SPRTN: variants seen among roughly 807,000 people sequenced by gnomAD.
SPRTN encodes DNA-dependent metalloprotease SPRTN.
Under a neutral mutation model 31.9 loss-of-function variants are expected in SPRTN, and 11 were observed. The observed-to-expected ratio is 0.34, with a 90% CI of 0.22 to 0.57. The LOEUF (loss-of-function observed/expected upper bound fraction) is 0.57. Among genes scored for constraint, SPRTN ranks in the 20% least tolerant of loss-of-function variants. The pLI is 0.86. For missense variants in SPRTN, 482 were observed against 590.1 expected (o/e 0.82, Z 1.90); for synonymous variants, 185 against 212.1 (o/e 0.87, Z 1.11).
chr1:231,347,821 G>A lies in SPRTN; in HGVS notation c.346G>A (p.Ala116Thr). 1 of 1,613,254 alleles carries A rather than the reference G, an allele frequency of 6.2e-7. No homozygotes were observed. Residue 116 changes from alanine to threonine, a missense_variant, in exon 3 of 5, where the codon GCC becomes ACC. Ala to Thr is a moderately conservative substitution (Grantham distance 58). Around this residue, in one of 2 missense-constraint regions of SPRTN, gnomAD observed 157 missense variants for 239.9 expected, o/e 0.65. Coordinates refer to ENST00000295050, the MANE Select transcript of SPRTN (RefSeq NM_032018.7). ...VETLLHEMIH[A>T]YLFVTNNDKD... ...GACCCTCCTGCATGAAATGATACAT[G>A]CCTATTTATTTGTCACTAATAACGA...
chr1:231,346,535 G>A (rs1188074044), intron 2 of SPRTN, among the ~76,000 whole-genome samples: 1 of 151,980 alleles, frequency 6.6e-6, no homozygotes, highest in Non-Finnish European at 1.5e-5. Flanking sequence ...AAATTGGGTT[G>A]TCATTCCCTG....
chr1:231,353,901 C>A lies in SPRTN; in HGVS notation c.*540C>A, dbSNP rs1454380940. On this transcript the variant is annotated 3_prime_UTR_variant, in exon 5 of 5. Coordinates refer to ENST00000295050, the MANE Select transcript of SPRTN (RefSeq NM_032018.7). ...AAAATCTTAACAGGAACTGTATTTT[C>A]TATATTTTAAAGAATTTTATTTGTC... 1 of 946,164 alleles carries A rather than the reference C, an allele frequency of 1.1e-6. No homozygotes were observed. Among genetic ancestry groups the A allele is most frequent in the African/African-American group, 1.8e-5 (1 of 56,346 alleles). The allele number at this position is 946,164 out of a possible 1,614,324, so 58.6% of individuals were successfully genotyped here.
rs573192715 is a variant in SPRTN at position 231,350,695 on chromosome 1, A to G, written c.451-609A>G. Reference sequence around the variant, plus strand: ...TCCTGGAGAACTTTTCAGTCTGGTAATAGAAATATTTATAAACAGATAAAA... The same window carrying G: ...TCCTGGAGAACTTTTCAGTCTGGTAGTAGAAATATTTATAAACAGATAAAA... On this transcript the variant is annotated intron_variant, in intron 3 of 4. Transcript: ENST00000295050. Among the ~76,000 whole-genome samples, 6 of 152,282 alleles carry G rather than the reference A, an allele frequency of 3.9e-5. No homozygotes were observed. In the East Asian group the frequency reaches 1.2e-3, roughly 29 times the overall value.
Position 231,353,452 on chromosome 1 carries a change from G to A in SPRTN, c.*91G>A, listed in dbSNP as rs746084136. Reference sequence around the variant, plus strand: ...GAAGTTCTGGTTAATACTAAGATTTGTAGGTTATAATCTAGTTCACATAAC... The same window carrying A: ...GAAGTTCTGGTTAATACTAAGATTTATAGGTTATAATCTAGTTCACATAAC... On this transcript the variant is annotated 3_prime_UTR_variant, in exon 5 of 5. Coordinates refer to ENST00000295050, the MANE Select transcript of SPRTN (RefSeq NM_032018.7). The A allele has an allele frequency of 2.5e-5, 37 of 1,472,170 alleles. No individual in the cohort carries two copies. Among genetic ancestry groups the A allele is most frequent in the Non-Finnish European group, 3.2e-5 (36 of 1,120,172 alleles). 91.2% of individuals were successfully genotyped at this position (1,472,170 alleles called of 1,614,324 possible). A position where few individuals can be genotyped will look rare whatever the true frequency, so the allele number is the denominator to read the frequency against.
intron 2 of SPRTN, among the ~76,000 whole-genome samples, chr1:231,341,885 C>T (rs1686905413): frequency 1.3e-5 from 2 of 152,132 alleles, no homozygotes; most frequent in African/African-American, 4.8e-5. Context: ...ACTCAGGAGG[C>T]TGACGCACAA....
chr1:231,352,528 CTG>C (rs1687269065), intron 4 of SPRTN, 80 bp from the exon 5 acceptor site: 3 of 1,501,734 alleles, frequency 2.0e-6, no homozygotes, highest in Non-Finnish European at 2.7e-6. Context: ...TTTGAGAAAA[CTG>C]TACATTAGTT....
chr1:231,350,901 A>G (rs2250704), intron 3 of SPRTN, among the ~76,000 whole-genome samples: 87,312 of 151,936 alleles, frequency 0.57, 25,898 homozygotes, highest in Non-Finnish European at 0.65. Flanking sequence ...GAAAACTTCA[A>G]TTTAGCAGTG....
Position 231,352,963 on chromosome 1 carries a change from A to G in SPRTN, c.1072A>G (p.Asn358Asp). The change falls in exon 5 of 5, where the codon AAC (asparagine) becomes GAC (aspartate). Residue 358 changes from asparagine to aspartate, a missense_variant. Around this residue, in one of 2 missense-constraint regions of SPRTN, gnomAD observed 325 missense variants for 350.2 expected, o/e 0.93. Coordinates refer to ENST00000295050, the MANE Select transcript of SPRTN (RefSeq NM_032018.7). Reference sequence around the variant, plus strand: ...TCCAAGGATAAGTGTAACAGTTGGCAACATCCCTAAAAACTCAGTCTCTTC... The same window carrying G: ...TCCAAGGATAAGTGTAACAGTTGGCGACATCCCTAAAAACTCAGTCTCTTC... Reference protein sequence around the residue: ...GSPRISVTVGNIPKNSVSSSS... With the variant: ...GSPRISVTVGDIPKNSVSSSS... The G allele has an allele frequency of 2.5e-6, 4 of 1,614,154 alleles. No individual in the cohort carries two copies. The highest frequency in any genetic ancestry group is 3.4e-6 in the Non-Finnish European group (4 of 1,180,004).
Position 231,339,871 on chromosome 1 carries a change from A to C in SPRTN, c.321+3A>C. On this transcript the variant is annotated splice_donor_region_variant and intron_variant, in intron 2 of 4. Transcript: ENST00000295050. ...GGCCAAGAAAGGATCTTGTAGAGGT[A>C]TTTTTCGTGTAAACTTGCTTCCTAG... The C allele has an allele frequency of 6.2e-7, 1 of 1,613,776 alleles. No individual in the cohort carries two copies. The highest frequency in any genetic ancestry group is 8.5e-7 in the Non-Finnish European group (1 of 1,179,784).
rs560787709 is a variant in SPRTN at position 231,348,217 on chromosome 1, TC to T, written c.450+294del. The stretch of plus-strand genomic sequence containing the variant: ...ATCATCATGATCTCTTAACTTTGTT[TC>T]CTTATTATTGTCTTTTTTAGTCCAT... On this transcript the variant is annotated intron_variant, in intron 3 of 4. Transcript: ENST00000295050. Among the ~76,000 whole-genome samples, 44 of 152,312 alleles carry T rather than the reference TC, an allele frequency of 2.9e-4. 1 individual carries two copies. The South Asian group carries it at 8.3e-3, about 29-fold the overall frequency.
At position 231,352,188 on chromosome 1, in the gene SPRTN, C is replaced by A. The variant is rs1687258643; in HGVS notation, c.719-422C>A. On this transcript the variant is annotated intron_variant, in intron 4 of 4. Coordinates refer to ENST00000295050, the MANE Select transcript of SPRTN (RefSeq NM_032018.7). ...TGACCCAAGAACATAGGTTATATTT[C>A]CCAAATCTTTAATTATTGAGTGAAA... 3 of 990,358 alleles carry A rather than the reference C, an allele frequency of 3.0e-6. 1 individual carries two copies. The highest frequency in any genetic ancestry group is 9.3e-5 in the South Asian group (2 of 21,564). The allele number at this position is 990,358 out of a possible 1,614,324, so 61.3% of individuals were successfully genotyped here.
Position 231,353,227 on chromosome 1 carries a change from A to G in SPRTN, c.1336A>G (p.Ser446Gly), listed in dbSNP as rs368491865. Reference sequence around the variant, plus strand: ...TACAACCACAGCTCAGAATTCCAGCAGTTCATCCAGTCAGAGCAAAATGGT... The same window carrying G: ...TACAACCACAGCTCAGAATTCCAGCGGTTCATCCAGTCAGAGCAAAATGGT... ...YSTTTAQNSS[S>G]SSSQSKMVNC... The change falls in exon 5 of 5, where the codon AGT becomes GGT. Residue 446 changes from serine to glycine, a missense_variant. Ser to Gly is a moderately conservative substitution (Grantham distance 56, BLOSUM62 0). Coordinates refer to ENST00000295050, the MANE Select transcript of SPRTN (RefSeq NM_032018.7). 1.9e-6 allele frequency: 3 copies of G among 1,614,164 alleles called. No homozygotes were observed. The highest frequency in any genetic ancestry group is 2.5e-6 in the Non-Finnish European group (3 of 1,179,998).
At position 231,353,324 on chromosome 1, in the gene SPRTN, G is replaced by A. The variant is rs1401560232; in HGVS notation, c.1433G>A (p.Gly478Asp). ...GAGCACTTGGACTGGTGCCTTGAAG[G>A]TGACAGCATCAAAGTCAAAAGCGAA... ...INEHLDWCLE[G>D]DSIKVKSEES... is the part of the protein sequence containing the mutation. Residue 478 changes from glycine to aspartate, a missense_variant, in exon 5 of 5, where the codon GGT becomes GAT. By Grantham distance (94) the Gly-to-Asp change is moderately conservative. This residue lies in a region of SPRTN where 325 missense variants were observed against 350.2 expected (regional missense o/e 0.93). Coordinates refer to ENST00000295050, the MANE Select transcript of SPRTN (RefSeq NM_032018.7). 1.3e-6 allele frequency: 2 copies of A among 1,596,392 alleles called. No homozygotes were observed. Among genetic ancestry groups the A allele is most frequent in the Non-Finnish European group, 8.5e-7 (1 of 1,175,152 alleles).
intron 3 of SPRTN, among the ~76,000 whole-genome samples, chr1:231,348,205 C>T (rs1571997748): frequency 2.0e-5 from 3 of 152,184 alleles, no homozygotes; most frequent in African/African-American, 7.2e-5. Context: ...ATCATGATCT[C>T]TTAACTTTGT....
intron 2 of SPRTN, among the ~76,000 whole-genome samples, chr1:231,340,921 C>T (rs917404770): frequency 1.3e-5 from 2 of 151,964 alleles, no homozygotes; most frequent in African/African-American, 4.8e-5. Context: ...TAATAAAAGG[C>T]AATGGATTAC....
intron 2 of SPRTN, among the ~76,000 whole-genome samples, chr1:231,346,135 C>T (rs971274823): frequency 6.6e-6 from 1 of 150,606 alleles, no homozygotes; most frequent in Admixed American, 6.6e-5. Context: ...AGTATTAATT[C>T]GCATTTCTCT....
chr1:231,338,667 C>G, intron 1 of SPRTN, 63 bp downstream of exon 1: 1 of 1,592,124 alleles, frequency 6.3e-7, no homozygotes, highest in Non-Finnish European at 8.6e-7. Flanking sequence ...GCCCCCGGCC[C>G]TGGTTTTCTC....
chr1:231,352,465 C>G (rs1687268230), intron 4 of SPRTN, 145 bp from the exon 5 acceptor site: 10 of 1,350,816 alleles, frequency 7.4e-6, no homozygotes, highest in Non-Finnish European at 8.6e-6. Flanking sequence ...TTGCCCTCCT[C>G]CCATTAATAG....
At chr1:231,349,885 G>C (rs1229930375) in intron 3 of SPRTN, among the ~76,000 whole-genome samples, 1 of 152,102 alleles carries the variant, frequency 6.6e-6, no homozygotes, top group African/African-American at 2.4e-5. Context: ...GGTAGCTCAC[G>C]CCTGTATTCG....
Sources: allele counts gnomAD v4.1 joint callset (sites outside exome capture counted in the v4.1 genomes callset), GRCh38; gene constraint gnomAD v4.1.1; regional missense constraint gnomAD v4.1.1; transcripts MANE v1.5; gene names NCBI Gene and HGNC (gene_info 2026-07-23, HGNC 2026-07-21).